PDE3A: variants seen among roughly 807,000 people sequenced by gnomAD.
The protein encoded by PDE3A is cGMP-inhibited 3',5'-cyclic phosphodiesterase 3A.
In PDE3A, 43 loss-of-function variants were observed where a neutral mutation model predicts 98.3. The observed-to-expected ratio is 0.44, with a 90% CI of 0.34 to 0.56. PDE3A has a LOEUF of 0.56. PDE3A is among the 20% of genes least tolerant of loss of function. The pLI, the probability that PDE3A is intolerant of heterozygous loss-of-function variation, is 0.01. For synonymous variants in PDE3A, 663 were observed against 567.9 expected (o/e 1.17, Z -2.38); for missense variants, 1,427 against 1,440.7 (o/e 0.99, Z 0.15).
chr12:20,557,123 G>A lies in PDE3A; in HGVS notation c.1011+413G>A, dbSNP rs1471159433. On this transcript the variant is annotated intron_variant, in intron 2 of 15. Transcript: ENST00000359062. ...AACTCTGAACTAATTACAAGATTTT[G>A]TCTCTAAATTAACTCTCTTCATCTG... 1.7e-5 allele frequency: 3 copies of A among 173,148 alleles called. No individual in the cohort carries two copies. The Admixed American group carries it at 1.9e-4, about 11-fold the overall frequency. 10.7% of individuals were successfully genotyped at this position (173,148 alleles called of 1,614,324 possible).
At chr12:20,526,728 T>C (rs1317258709) in intron 1 of PDE3A, among the ~76,000 whole-genome samples, 1 of 152,028 alleles carries the variant, frequency 6.6e-6, no homozygotes, top group Non-Finnish European at 1.5e-5. Context: ...CTGATTTTTT[T>C]TTTTTTACTT....
Position 20,637,160 on chromosome 12 carries a change from C to A in PDE3A, c.2062C>A (p.Gln688Lys). Residue 688 changes from glutamine to lysine, a missense_variant, in exon 9 of 16, where the codon CAG becomes AAG. Transcript: ENST00000359062. ...GGATAACCTGGACTCAATTATGGAG[C>A]AGCTAAATACTTGGAATTTTCCAAT... ...VMDNLDSIME[Q>K]LNTWNFPIFD... The A allele has an allele frequency of 6.2e-7, 1 of 1,608,644 alleles. No homozygotes were observed. The highest frequency in any genetic ancestry group is 8.5e-7 in the Non-Finnish European group (1 of 1,175,804).
At chr12:20,657,903 G>A (rs1009698790) in intron 15 of PDE3A, among the ~76,000 whole-genome samples, 1 of 152,156 alleles carries the variant, frequency 6.6e-6, no homozygotes, top group Non-Finnish European at 1.5e-5. Flanking sequence ...CCATCAATGT[G>A]TATAACTTTA....
intron 1 of PDE3A, among the ~76,000 whole-genome samples, 172 bp downstream of exon 1, chr12:20,370,416 T>TG (rs965719541): frequency 6.7e-6 from 1 of 149,696 alleles, no homozygotes; most frequent in Non-Finnish European, 1.5e-5. Context: ...TTTGTTTTTT[T>TG]TTTTTTGTTT....
chr12:20,680,273 A>C lies in PDE3A; in HGVS notation c.*2A>C. ...CCAACCCAAAAGCCAGACCAGTGAC[A>C]ATGGATAGAATGGGCTGTGTTTCCA... On this transcript the variant is annotated 3_prime_UTR_variant, in exon 16 of 16. Coordinates refer to ENST00000359062, the MANE Select transcript of PDE3A (RefSeq NM_000921.5). The C allele has an allele frequency of 6.2e-7, 1 of 1,613,536 alleles. No homozygotes were observed. Among genetic ancestry groups the C allele is most frequent in the Non-Finnish European group, 8.5e-7 (1 of 1,179,688 alleles).
chr12:20,448,673 T>C (rs1482341693), intron 1 of PDE3A, among the ~76,000 whole-genome samples: 1 of 152,108 alleles, frequency 6.6e-6, no homozygotes, highest in Non-Finnish European at 1.5e-5. Flanking sequence ...TTGATGATAC[T>C]GGTGTTTCTT....
At chr12:20,466,097 G>T (rs1482573844) in intron 1 of PDE3A, among the ~76,000 whole-genome samples, 1 of 152,098 alleles carries the variant, frequency 6.6e-6, no homozygotes, top group Non-Finnish European at 1.5e-5. Context: ...GTTCCCTAGA[G>T]ATCTATCCAA....
intron 1 of PDE3A, among the ~76,000 whole-genome samples, chr12:20,406,609 C>T (rs1169334678): frequency 6.6e-6 from 1 of 152,064 alleles, no homozygotes; most frequent in Non-Finnish European, 1.5e-5. Context: ...GGATATTAAT[C>T]TCTTATTGGG....
At chr12:20,398,622 C>T (rs1018915456) in intron 1 of PDE3A, among the ~76,000 whole-genome samples, 1 of 151,920 alleles carries the variant, frequency 6.6e-6, no homozygotes. Flanking sequence ...TTCATTATAG[C>T]CCATGTGCAG....
intron 2 of PDE3A, among the ~76,000 whole-genome samples, chr12:20,560,112 A>G (rs919964456): frequency 3.3e-5 from 5 of 152,178 alleles, no homozygotes; most frequent in African/African-American, 1.2e-4. Context: ...ATTAAGTGAC[A>G]AGTGAAGGTG....
intron 1 of PDE3A, among the ~76,000 whole-genome samples, chr12:20,486,913 C>T (rs1945736401): frequency 6.6e-6 from 1 of 152,196 alleles, no homozygotes; most frequent in African/African-American, 2.4e-5. Flanking sequence ...GGATTACAGG[C>T]ATGAGTCACC....
At chr12:20,613,415 C>A (rs1482812096) in intron 2 of PDE3A, 28 bp from the exon 3 acceptor site, 11 of 1,611,890 alleles carry the variant, frequency 6.8e-6, no homozygotes, top group Non-Finnish European at 9.3e-6. Context: ...CCTTTTCTTG[C>A]CTGATCTTGT....
intron 1 of PDE3A, among the ~76,000 whole-genome samples, chr12:20,435,628 A>G (rs1944767957): frequency 6.6e-6 from 1 of 152,148 alleles, no homozygotes; most frequent in African/African-American, 2.4e-5. Context: ...TCCTGGTAGT[A>G]AGGAGGCCAT....
intron 1 of PDE3A, among the ~76,000 whole-genome samples, chr12:20,455,855 C>G (rs182080637): frequency 6.6e-6 from 1 of 152,178 alleles, no homozygotes; most frequent in Non-Finnish European, 1.5e-5. Flanking sequence ...CCTCTTGGGT[C>G]TACGTGAACA....
chr12:20,478,933 T>TC (rs1945576721), intron 1 of PDE3A, among the ~76,000 whole-genome samples: 1 of 152,196 alleles, frequency 6.6e-6, no homozygotes, highest in Non-Finnish European at 1.5e-5. Context: ...CATGCATTTT[T>TC]CTCACTGTCC....
At chr12:20,497,895 A>T (rs985698937) in intron 1 of PDE3A, among the ~76,000 whole-genome samples, 1 of 152,154 alleles carries the variant, frequency 6.6e-6, no homozygotes, top group Non-Finnish European at 1.5e-5. Flanking sequence ...TGCTGCTGTG[A>T]TGACTTTGTG....
At chr12:20,665,131 A>G (rs191714659) in intron 15 of PDE3A, among the ~76,000 whole-genome samples, 2 of 152,270 alleles carry the variant, frequency 1.3e-5, no homozygotes, top group East Asian at 1.9e-4. Context: ...CAAAGACTCC[A>G]TAAGACTCAG....
At chr12:20,639,269 A>G (rs1944593068) in intron 9 of PDE3A, among the ~76,000 whole-genome samples, 1 of 152,122 alleles carries the variant, frequency 6.6e-6, no homozygotes, top group Non-Finnish European at 1.5e-5. Context: ...AAGATTAAGG[A>G]TAATTAACAA....
intron 6 of PDE3A, among the ~76,000 whole-genome samples, chr12:20,631,482 T>C (rs1944375214): frequency 6.6e-6 from 1 of 152,202 alleles, no homozygotes; most frequent in African/African-American, 2.4e-5. Context: ...GATCGAATGT[T>C]TGGCAGAACA....
Sources: gnomAD v4.1 joint callset for allele counts (sites outside exome capture counted in the v4.1 genomes callset) on GRCh38, gnomAD v4.1.1 for gene constraint, MANE v1.5 for transcripts, NCBI Gene and HGNC (gene_info 2026-07-23, HGNC 2026-07-21) for gene names.